The following CIT variants were observed in gnomAD, a reference collection of about 807,000 sequenced individuals.
CIT encodes citron Rho-interacting kinase.
In CIT, 79 loss-of-function variants were observed where a neutral mutation model predicts 272.7. That is an observed-to-expected ratio of 0.29 (90% CI 0.24 to 0.35). The LOEUF (loss-of-function observed/expected upper bound fraction) is 0.35. Ranked by LOEUF, CIT falls within the 10% of genes least tolerant of loss-of-function variation. The pLI is 1.00. For missense variants in CIT, 1,909 were observed against 2,618.3 expected (o/e 0.73, Z 5.91); for synonymous variants, 948 against 995.6 (o/e 0.95, Z 0.90).
chr12:119,779,742 G>A (rs1027237197), intron 13 of CIT, among the ~76,000 whole-genome samples: 4 of 152,188 alleles, frequency 2.6e-5, no homozygotes, highest in African/African-American at 7.2e-5. Context: ...ACATAAGAGG[G>A]AGGAAGGCAG....
At chr12:119,734,053 C>A in intron 26 of CIT, 111 bp downstream of exon 26, 2 of 1,215,176 alleles carry the variant, frequency 1.6e-6, no homozygotes, top group Non-Finnish European at 2.3e-6. Flanking sequence ...GGCTTGTGAC[C>A]CAGGAAACTT....
Position 119,685,927 on chromosome 12 carries a change from T to C in CIT, c.*2305A>G, listed in dbSNP as rs928712065. The C allele has an allele frequency of 6.6e-6, 1 of 152,658 alleles. No homozygotes were observed. Among genetic ancestry groups the C allele is most frequent in the African/African-American group, 2.4e-5 (1 of 41,468 alleles). The allele number at this position is 152,658 out of a possible 1,614,324, so 9.5% of individuals were successfully genotyped here. A position where few individuals can be genotyped will look rare whatever the true frequency, so the allele number is the denominator to read the frequency against. ...GGTAATGAAGAAAAAGCCTGTACTTTTGGAGACCTAGAATCTTGATTGATG... is the reference window on the plus strand; with the variant it reads ...GGTAATGAAGAAAAAGCCTGTACTTCTGGAGACCTAGAATCTTGATTGATG... On this transcript the variant is annotated 3_prime_UTR_variant, in exon 48 of 48. Transcript: ENST00000392521.
intron 4 of CIT, among the ~76,000 whole-genome samples, chr12:119,853,737 T>C (rs993205694): frequency 2.0e-4 from 31 of 152,296 alleles, no homozygotes; most frequent in African/African-American, 7.2e-4. Flanking sequence ...TGCTGATCCT[T>C]CTTTTGTCTG....
chr12:119,772,798 C>T lies in CIT; in HGVS notation c.2054G>A (p.Gly685Asp), dbSNP rs907680268. 1 of 1,613,564 alleles carries T rather than the reference C, an allele frequency of 6.2e-7. No homozygotes were observed. The highest frequency in any genetic ancestry group is 8.5e-7 in the Non-Finnish European group (1 of 1,179,832). Residue 685 changes from glycine (G) to aspartate (D), a missense_variant, in exon 17 of 48, where the codon GGC becomes GAC. Transcript: ENST00000392521. ...AGCTTCCACCAGCTTCTTTCTGATG[C>T]CTTCAGAAGAATCCTCTCGGTTCTG... The part of the protein sequence containing the change: ...KLQNREDSSE[G>D]IRKKLVEAEE...
At chr12:119,759,098 T>C (rs1961402735) in intron 20 of CIT, among the ~76,000 whole-genome samples, 1 of 152,228 alleles carries the variant, frequency 6.6e-6, no homozygotes, top group African/African-American at 2.4e-5. Flanking sequence ...GAGTGATTCC[T>C]TCTCACCCAG....
At position 119,690,291 on chromosome 12, in the gene CIT, G is replaced by T; in HGVS notation, c.6046C>A (p.Arg2016Ser). ...GGGGACTTCTCTCGCTCCAGGGGGC[G>T]GCCAGGAGACTTGTCCCTGCGCAGC... ...TELRRDKSPGRPLEREKSPGR... is the reference protein window; with the variant it reads ...TELRRDKSPGSPLEREKSPGR... The change falls in exon 47 of 48, where the codon CGC becomes AGC. Residue 2016 changes from arginine (R) to serine (S), a missense_variant. By Grantham distance (110) the Arg-to-Ser change is moderately radical. This residue lies in a region of CIT where 780 missense variants were observed against 1,067.2 expected (regional missense o/e 0.73). Coordinates refer to ENST00000392521, the MANE Select transcript of CIT (RefSeq NM_001206999.2). The surrounding 1 kb of genome is among the most constrained non-coding windows in gnomAD (Gnocchi z 6.0). The T allele has an allele frequency of 6.3e-7, 1 of 1,587,532 alleles. No individual in the cohort carries two copies.
At position 119,688,127 on chromosome 12, in the gene CIT, G is replaced by C; in HGVS notation, c.*105C>G. Reference sequence around the variant, plus strand: ...GGGTCTGGGCCCCGCTGAGCCAGAGGGTGGCTGAGCACGTGGGCGCTTGGG... The same window carrying C: ...GGGTCTGGGCCCCGCTGAGCCAGAGCGTGGCTGAGCACGTGGGCGCTTGGG... On this transcript the variant is annotated 3_prime_UTR_variant, in exon 48 of 48. Coordinates refer to ENST00000392521, the MANE Select transcript of CIT (RefSeq NM_001206999.2). 1 of 1,259,372 alleles carries C rather than the reference G, an allele frequency of 7.9e-7. No homozygotes were observed. Among genetic ancestry groups the C allele is most frequent in the Non-Finnish European group, 1.2e-6 (1 of 858,434 alleles). The allele number at this position is 1,259,372 out of a possible 1,614,324, so 78.0% of individuals were successfully genotyped here.
rs571765841 is a variant in CIT at position 119,718,325 on chromosome 12, C to T, written c.4088G>A (p.Arg1363Gln). 4.9e-4 allele frequency: 795 copies of T among 1,613,986 alleles called. 8 individuals are homozygous for T. The South Asian group carries it at 6.6e-3, about 13-fold the overall frequency. ...GGCACTGGGCTGGTGCTCTGGCGAC[C>T]GCACGATGGCGGACATGGCGATCTG... The part of the protein sequence containing the change: ...RQQIAMSAIV[R>Q]SPEHQPSAMS... The change falls in exon 32 of 48, where the codon CGG (arginine) becomes CAG (glutamine). Residue 1363 changes from arginine (R) to glutamine (Q), a missense_variant. Physicochemically the swap from Arg to Gln is conservative, Grantham distance 43. This residue lies in a region of CIT where 780 missense variants were observed against 1,067.2 expected (regional missense o/e 0.73). Transcript: ENST00000392521. The surrounding 1 kb of genome is among the most constrained non-coding windows in gnomAD (Gnocchi z 4.8).
intron 3 of CIT, among the ~76,000 whole-genome samples, chr12:119,868,506 C>G (rs1950577987): frequency 6.6e-6 from 1 of 152,246 alleles, no homozygotes; most frequent in Non-Finnish European, 1.5e-5. Context: ...TAAAACTTAA[C>G]TCATTCCTGG....
chr12:119,783,843 C>CA lies in CIT; in HGVS notation c.1545+64dup. On this transcript the variant is annotated intron_variant, in intron 12 of 47. Coordinates refer to ENST00000392521, the MANE Select transcript of CIT (RefSeq NM_001206999.2). ...TGTGCCTCATGGAGCCATCATGAAA[C>CA]AGGATGAGACACACACAACAGGAAG... 4 of 1,509,116 alleles carry CA rather than the reference C, an allele frequency of 2.7e-6. No homozygotes were observed. The South Asian group carries it at 5.4e-5, about 20-fold the overall frequency. The allele number at this position is 1,509,116 out of a possible 1,614,324, so 93.5% of individuals were successfully genotyped here.
rs758825630 is a variant in CIT, at chr12:119,690,460, G to A, written c.5883-6C>T. The A allele has an allele frequency of 1.5e-5, 23 of 1,578,126 alleles. No individual in the cohort carries two copies. Among genetic ancestry groups the A allele is most frequent in the Admixed American group, 3.7e-5 (2 of 54,610 alleles). The stretch of plus-strand genomic sequence containing the variant: ...GGCCTCGCTTGTTGGGGCTGCTGGC[G>A]ACACAAGAGGAACGTAGGGAGCTGC... On this transcript the variant is annotated splice_polypyrimidine_tract_variant and splice_region_variant and intron_variant, in intron 46 of 47. Coordinates refer to ENST00000392521, the MANE Select transcript of CIT (RefSeq NM_001206999.2). The surrounding 1 kb of genome is among the most constrained non-coding windows in gnomAD (Gnocchi z 6.0).
In CIT at chr12:119,768,072, C is replaced by T. The variant is rs1445769786; in HGVS notation, c.2209-890G>A. On this transcript the variant is annotated intron_variant, in intron 18 of 47. Coordinates refer to ENST00000392521, the MANE Select transcript of CIT (RefSeq NM_001206999.2). This position sits in a 1 kb window ranked among gnomAD's most constrained non-coding sequence, Gnocchi z 4.3. ...GATTATAGGCATGCGCCACCATGCC[C>T]GGCTAATTTTTGTATTTTTAGTAGA... is the stretch of plus-strand genomic sequence containing the variant. Among the ~76,000 whole-genome samples, 1 of 151,884 alleles carries T rather than the reference C, an allele frequency of 6.6e-6. No homozygotes were observed. The highest frequency in any genetic ancestry group is 1.5e-5 in the Non-Finnish European group (1 of 67,990).
chr12:119,876,193 T>C lies in CIT; in HGVS notation c.-13-12A>G. Reference sequence around the variant, plus strand: ...TCTCCCCACTGGCGCTGAAAGGATATCAGAAAAGTCAAGTGTGTCCTATGT... The same window carrying C: ...TCTCCCCACTGGCGCTGAAAGGATACCAGAAAAGTCAAGTGTGTCCTATGT... On this transcript the variant is annotated splice_polypyrimidine_tract_variant and intron_variant, in intron 1 of 47. Transcript: ENST00000392521. 1 of 1,558,290 alleles carries C rather than the reference T, an allele frequency of 6.4e-7. No individual in the cohort carries two copies. Among genetic ancestry groups the C allele is most frequent in the Non-Finnish European group, 8.8e-7 (1 of 1,130,544 alleles).
chr12:119,862,774 C>T (rs1282199878), intron 3 of CIT, among the ~76,000 whole-genome samples: 3 of 119,736 alleles, frequency 2.5e-5, no homozygotes, highest in African/African-American at 1.0e-4. Context: ...CGCACCACTG[C>T]ACTCCAGCCT....
chr12:119,826,928 A>C (rs1005434047), intron 7 of CIT, among the ~76,000 whole-genome samples: 1 of 152,070 alleles, frequency 6.6e-6, no homozygotes, highest in Non-Finnish European at 1.5e-5. Flanking sequence ...CTGATTCTGG[A>C]TGAAGCTCTT....
In CIT at chr12:119,710,847, A is replaced by G. The variant is rs937078693; in HGVS notation, c.4855-227T>C. On this transcript the variant is annotated intron_variant, in intron 37 of 47. Transcript: ENST00000392521. This position sits in a 1 kb window ranked among gnomAD's most constrained non-coding sequence, Gnocchi z 5.6. The stretch of plus-strand genomic sequence containing the variant: ...GCAGCTGTTAATTAGCATCTGAGTT[A>G]TAATTTGGCTGGGATGCAGAAATAA... 4 of 632,188 alleles carry G rather than the reference A, an allele frequency of 6.3e-6. No homozygotes were observed. The highest frequency in any genetic ancestry group is 1.1e-5 in the Non-Finnish European group (4 of 373,044). The allele number at this position is 632,188 out of a possible 1,614,324, so 39.2% of individuals were successfully genotyped here.
intron 9 of CIT, among the ~76,000 whole-genome samples, chr12:119,813,934 G>A (rs894000390): frequency 3.3e-5 from 5 of 151,972 alleles, no homozygotes; most frequent in African/African-American, 7.2e-5. Context: ...TTTTTCATGC[G>A]ACTGGGGCTC....
At chr12:119,764,249 A>G (rs1962151707) in intron 19 of CIT, among the ~76,000 whole-genome samples, 1 of 152,216 alleles carries the variant, frequency 6.6e-6, no homozygotes, top group Non-Finnish European at 1.5e-5. Context: ...GCAGAAGCAG[A>G]CCTTCAAATA....
At chr12:119,806,603 C>G (rs1286082441) in intron 9 of CIT, among the ~76,000 whole-genome samples, 1 of 152,032 alleles carries the variant, frequency 6.6e-6, no homozygotes, top group African/African-American at 2.4e-5. Context: ...CCAGGGCACA[C>G]AGGATTTTCT....
Sources: allele counts gnomAD v4.1 joint callset (sites outside exome capture counted in the v4.1 genomes callset), GRCh38; gene constraint gnomAD v4.1.1; regional missense constraint gnomAD v4.1.1; non-coding constraint Gnocchi (gnomAD v3.1); transcripts MANE v1.5; gene names NCBI Gene and HGNC (gene_info 2026-07-23, HGNC 2026-07-21).